KIAA1755: variants seen among roughly 807,000 people sequenced by gnomAD.
KIAA1755 encodes uncharacterized protein KIAA1755.
In KIAA1755, 68 loss-of-function variants were observed where a neutral mutation model predicts 91.7. The ratio of observed to expected loss-of-function variants is 0.74; its 90% CI spans 0.61 to 0.91. KIAA1755 has a LOEUF of 0.91. KIAA1755 is among the 40% of genes least tolerant of loss of function. The pLI is 0.00. For missense variants in KIAA1755, 1,535 were observed against 1,494.4 expected (o/e 1.03, Z -0.45); for synonymous variants, 610 against 604.6 (o/e 1.01, Z -0.13).
chr20:38,238,725 C>G (rs903043501), intron 4 of KIAA1755, among the ~76,000 whole-genome samples: 4 of 152,192 alleles, frequency 2.6e-5, no homozygotes, highest in African/African-American at 4.8e-5. Context: ...CAGACTTGTT[C>G]TCTTATGAAT....
Position 38,223,570 on chromosome 20 carries a change from A to G in KIAA1755, c.2236T>C (p.Phe746Leu). 1 of 1,600,418 alleles carries G rather than the reference A, an allele frequency of 6.2e-7. No homozygotes were observed. The highest frequency in any genetic ancestry group is 2.3e-5 in the East Asian group (1 of 43,528). Residue 746 changes from phenylalanine to leucine, a missense_variant, in exon 9 of 14, where the codon TTC becomes CTC. Physicochemically the swap from Phe to Leu is conservative, Grantham distance 22. Coordinates refer to ENST00000279024, the MANE Select transcript of KIAA1755 (RefSeq NM_001029864.2). ...CCCCCAGGGGGGTCGGCCTTCTCGA[A>G]TTCCTCGATGGAAGCTTGTAGCAGG... Reference protein sequence around the residue: ...SSLLQASIEEFEKADPPGGMQ... With the variant: ...SSLLQASIEELEKADPPGGMQ...
At chr20:38,215,378 T>C (rs1409181614) in intron 13 of KIAA1755, among the ~76,000 whole-genome samples, 1 of 152,190 alleles carries the variant, frequency 6.6e-6, no homozygotes, top group Non-Finnish European at 1.5e-5. Flanking sequence ...CCCTGAGACC[T>C]TGTGGGCCGA....
intron 10 of KIAA1755, among the ~76,000 whole-genome samples, chr20:38,221,495 G>A (rs1376538534): frequency 1.3e-5 from 2 of 152,184 alleles, no homozygotes; most frequent in African/African-American, 4.8e-5. Context: ...GTGTGTTCAA[G>A]ATTCTGGGAC....
rs1238050935 is a variant in KIAA1755, at chr20:38,219,720, C to A, written c.2466G>T (p.Gln822His). Residue 822 changes from glutamine (Q) to histidine (H), a missense_variant, in exon 11 of 14, where the codon CAG becomes CAT. Physicochemically the swap from Gln to His is conservative, Grantham distance 24 (BLOSUM62 0). Coordinates refer to ENST00000279024, the MANE Select transcript of KIAA1755 (RefSeq NM_001029864.2). ...TGGAAGCGGTGACCAGAACATGAAGCTGCTCGTCCACAAGGCTGTACAAGG... is the reference window on the plus strand; with the variant it reads ...TGGAAGCGGTGACCAGAACATGAAGATGCTCGTCCACAAGGCTGTACAAGG... ...ATALYSLVDE[Q>H]LHVLVTASNS... 6.2e-7 allele frequency: 1 copy of A among 1,614,186 alleles called. No homozygotes were observed. Among genetic ancestry groups the A allele is most frequent in the South Asian group, 1.1e-5 (1 of 91,092 alleles).
At chr20:38,237,672 G>C (rs1810676852) in intron 4 of KIAA1755, among the ~76,000 whole-genome samples, 1 of 151,962 alleles carries the variant, frequency 6.6e-6, no homozygotes, top group African/African-American at 2.4e-5. Context: ...AAAGGGGAGT[G>C]AAAAGGTGGT....
At position 38,231,273 on chromosome 20, in the gene KIAA1755, C is replaced by T. The variant is rs1415793771; in HGVS notation, c.1800G>A (p.Gly600=). 6.8e-6 allele frequency: 11 copies of T among 1,612,610 alleles called. No homozygotes were observed. Among genetic ancestry groups the T allele is most frequent in the Non-Finnish European group, 8.5e-6 (10 of 1,179,652 alleles). Residue 600 remains glycine, a synonymous_variant, in exon 5 of 14, where the codon GGG becomes GGA. Coordinates refer to ENST00000279024, the MANE Select transcript of KIAA1755 (RefSeq NM_001029864.2). ...RPLLLVSTTE[G]AWEAPWCTVS... ...CTGTGCACCATGGTGCCTCCCAGGC[C>T]CCCTCTGTAGTTGACACCAGAAGCA...
At position 38,244,924 on chromosome 20, in the gene KIAA1755, C is replaced by T. The variant is rs1463363188; in HGVS notation, c.201+1005G>A. Among the ~76,000 whole-genome samples, 27 of 152,178 alleles carry T rather than the reference C, an allele frequency of 1.8e-4. 1 individual carries two copies. Among genetic ancestry groups the T allele is most frequent in the Admixed American group, 1.8e-3 (27 of 15,274 alleles). ...TGTATTTTTAGTAGAGACGGGGTTT[C>T]ACCATGTTGGCCAGGCTGGTCTCAA... On this transcript the variant is annotated intron_variant, in intron 2 of 13. Transcript: ENST00000279024.
At position 38,225,723 on chromosome 20, in the gene KIAA1755, G is replaced by A. The variant is rs918673722; in HGVS notation, c.2111C>T (p.Pro704Leu). The part of the protein sequence containing the change: ...LSHHVDPSQL[P>L]AVLEGPFPYC... ...GGGGAAGGGGCCTTCCAGGACTGCG[G>A]GCAGCTGGCTGGGGTCCACATGGTG... The change falls in exon 8 of 14, where the codon CCC (proline) becomes CTC (leucine). Residue 704 changes from proline (P) to leucine (L), a missense_variant. Coordinates refer to ENST00000279024, the MANE Select transcript of KIAA1755 (RefSeq NM_001029864.2). 1 of 1,610,726 alleles carries A rather than the reference G, an allele frequency of 6.2e-7. No individual in the cohort carries two copies. The highest frequency in any genetic ancestry group is 8.5e-7 in the Non-Finnish European group (1 of 1,178,496).
intron 8 of KIAA1755, among the ~76,000 whole-genome samples, chr20:38,224,785 GC>G (rs2075725863): frequency 6.6e-6 from 1 of 152,166 alleles, no homozygotes; most frequent in Admixed American, 6.5e-5. Context: ...CCACCGAAAG[GC>G]ACCCTCGCCC....
intron 6 of KIAA1755, among the ~76,000 whole-genome samples, chr20:38,227,789 G>A (rs779961810): frequency 1.3e-4 from 20 of 152,364 alleles, no homozygotes; most frequent in Middle Eastern, 3.4e-3. Flanking sequence ...ACCATGTGAA[G>A]TCAGAGCTGC....
intron 13 of KIAA1755, chr20:38,216,834 C>T (rs1306241790): frequency 2.1e-6 from 1 of 472,764 alleles, no homozygotes; most frequent in African/African-American, 2.0e-5. Flanking sequence ...ATGTGCACTC[C>T]CCTCCCAACA....
rs1446087655 is a variant in KIAA1755 at position 38,255,595 on chromosome 20, G to A, written c.3+4903C>T. Among the ~76,000 whole-genome samples, 6 of 152,356 alleles carry A rather than the reference G, an allele frequency of 3.9e-5. No homozygotes were observed. In the East Asian group the frequency reaches 9.6e-4, roughly 24 times the overall value. On this transcript the variant is annotated intron_variant, in intron 1 of 13. Transcript: ENST00000279024. ...CACTCGTCCTGAACTTCTCCAGGCTGGAGATTCTAGAACCAGCATTCTGTG... is the reference window on the plus strand; with the variant it reads ...CACTCGTCCTGAACTTCTCCAGGCTAGAGATTCTAGAACCAGCATTCTGTG...
Position 38,213,552 on chromosome 20 carries a change from C to T in KIAA1755, c.3093G>A (p.Gln1031=), listed in dbSNP as rs750860756. The T allele has an allele frequency of 1.9e-6, 3 of 1,608,714 alleles. No individual in the cohort carries two copies. The highest frequency in any genetic ancestry group is 2.5e-6 in the Non-Finnish European group (3 of 1,177,480). ...TGATCCGGGCCTCCTCCCATAGCTC[C>T]TGGCCCAGGCCTGCCCGGCTCAGGG... ...VASLSRAGLG[Q]ELWEEARIRH... is the part of the protein sequence containing the mutation. The change falls in exon 14 of 14, where the codon CAG becomes CAA. Residue 1031 remains glutamine, a synonymous_variant. Transcript: ENST00000279024.
Position 38,260,174 on chromosome 20 carries a change from C to G in KIAA1755, c.3+324G>C, listed in dbSNP as rs1252942297. 2.2e-6 allele frequency: 3 copies of G among 1,384,982 alleles called. No homozygotes were observed. The African/African-American group carries it at 4.4e-5, about 20-fold the overall frequency. 85.8% of individuals were successfully genotyped at this position (1,384,982 alleles called of 1,614,324 possible). On this transcript the variant is annotated intron_variant, in intron 1 of 13. Transcript: ENST00000279024. Reference sequence around the variant, plus strand: ...CACAGTCAGTTCCAAAACAAACATGCAAAACCACCCCGTTTCAGCCCTCAG... The same window carrying G: ...CACAGTCAGTTCCAAAACAAACATGGAAAACCACCCCGTTTCAGCCCTCAG...
chr20:38,252,280 G>A (rs903858664), intron 1 of KIAA1755, among the ~76,000 whole-genome samples: 1 of 152,144 alleles, frequency 6.6e-6, no homozygotes, highest in South Asian at 2.1e-4. Context: ...GTCAGCCCAA[G>A]CTTAAGTCCC....
rs1267507819 is a variant in KIAA1755, at chr20:38,241,629, C to T, written c.502G>A (p.Ala168Thr). The T allele has an allele frequency of 2.5e-6, 4 of 1,614,276 alleles. No individual in the cohort carries two copies. The Middle Eastern group carries it at 4.9e-4, about 200-fold the overall frequency. ...ACAGGGGCAATCCCATTTTCTGATG[C>T]TACCAAGCAGTTGTGTAGGGGATTT... ...EGNPLHNCLV[A>T]SENGIAPVPW... Residue 168 changes from alanine to threonine, a missense_variant, in exon 3 of 14, where the codon GCA becomes ACA. Physicochemically the swap from Ala to Thr is moderately conservative, Grantham distance 58. Transcript: ENST00000279024.
intron 4 of KIAA1755, among the ~76,000 whole-genome samples, chr20:38,236,601 G>A (rs1372008228): frequency 1.3e-5 from 2 of 152,198 alleles, no homozygotes; most frequent in Admixed American, 6.5e-5. Context: ...AGTGAAGAAA[G>A]CCTTTCAACA....
intron 1 of KIAA1755, among the ~76,000 whole-genome samples, chr20:38,253,624 T>TC (rs1379941010): frequency 6.6e-6 from 1 of 152,126 alleles, no homozygotes. Context: ...TAGAAAAAAC[T>TC]CCAAGTGGAC....
intron 4 of KIAA1755, among the ~76,000 whole-genome samples, chr20:38,238,889 A>G (rs1425519326): frequency 6.6e-6 from 1 of 152,212 alleles, no homozygotes; most frequent in African/African-American, 2.4e-5. Flanking sequence ...GTCTGAAAGT[A>G]TCAGTTGTCA....
Sources: allele counts gnomAD v4.1 joint callset (sites outside exome capture counted in the v4.1 genomes callset), GRCh38; gene constraint gnomAD v4.1.1; transcripts MANE v1.5; gene names NCBI Gene and HGNC (gene_info 2026-07-23, HGNC 2026-07-21).